SMOC2: variants seen among roughly 807,000 people sequenced by gnomAD.
SMOC2 encodes the protein SPARC-related modular calcium-binding protein 2.
A neutral mutation model predicts 61.4 loss-of-function variants in SMOC2; 39 were observed. That is an observed-to-expected ratio of 0.64 (90% confidence interval 0.49 to 0.83). The LOEUF (loss-of-function observed/expected upper bound fraction) is 0.83. Ranked by LOEUF, SMOC2 falls within the 40% of genes least tolerant of loss-of-function variation. The pLI, the probability that SMOC2 is intolerant of heterozygous loss-of-function variation, is 0.00. For missense variants in SMOC2, 556 were observed against 592.9 expected, an observed-to-expected ratio of 0.94 and a Z score of 0.65; for synonymous variants, 247 against 239.9, an observed-to-expected ratio of 1.03 and a Z score of -0.27.
intron 4 of SMOC2, among the ~76,000 whole-genome samples, chr6:168,543,099 A>G (rs372744010): frequency 6.6e-6 from 1 of 152,198 alleles, no homozygotes; most frequent in Admixed American, 6.5e-5. Flanking sequence ...TATTTGTAAT[A>G]TGCATCTTTC....
rs560471120 is a variant in SMOC2, at chr6:168,652,992, G to A, written c.1049G>A (p.Arg350Gln). Residue 350 changes from arginine (R) to glutamine (Q), a missense_variant, in exon 11 of 13, where the codon CGG (arginine) becomes CAG (glutamine). By Grantham distance (43) the Arg-to-Gln change is conservative. Transcript: ENST00000356284. Reference sequence around the variant, plus strand: ...GACCCCAGCCATACCCTAGAGGAGCGGGTGGTGCACTGGTACTTCAAACTA... The same window carrying A: ...GACCCCAGCCATACCCTAGAGGAGCAGGTGGTGCACTGGTACTTCAAACTA... ...EPDPSHTLEE[R>Q]VVHWYFKLLD... is the part of the protein sequence containing the mutation. 28 of 1,613,968 alleles carry A rather than the reference G, an allele frequency of 1.7e-5. No homozygotes were observed. The highest frequency in any genetic ancestry group is 1.7e-4 in the Middle Eastern group (1 of 6,060).
At position 168,666,573 on chromosome 6, in the gene SMOC2, A is replaced by G. The variant is rs1185623142; in HGVS notation, c.*135A>G. ...AATGTAAATTCACTTTGTAGAAATGAGCTATTTAAACAGACTGTTTTAATC... is the reference window on the plus strand; with the variant it reads ...AATGTAAATTCACTTTGTAGAAATGGGCTATTTAAACAGACTGTTTTAATC... On this transcript the variant is annotated 3_prime_UTR_variant, in exon 13 of 13. Transcript: ENST00000356284. 1 of 993,696 alleles carries G rather than the reference A, an allele frequency of 1.0e-6. No homozygotes were observed. Among genetic ancestry groups the G allele is most frequent in the Non-Finnish European group, 1.6e-6 (1 of 644,578 alleles). The allele number at this position is 993,696 out of a possible 1,614,324, so 61.6% of individuals were successfully genotyped here.
Position 168,453,567 on chromosome 6 carries a change from TCA to T in SMOC2, c.84+12114_84+12115del, listed in dbSNP as rs1277770777. 6.6e-6 allele frequency among the ~76,000 whole-genome samples: 1 copy of T among 151,902 alleles called. No individual in the cohort carries two copies. The highest frequency in any genetic ancestry group is 2.4e-5 in the African/African-American group (1 of 41,342). On this transcript the variant is annotated intron_variant, in intron 1 of 12. Transcript: ENST00000356284. This position sits in a 1 kb window ranked among gnomAD's most constrained non-coding sequence, Gnocchi z 4.4. ...CTCTGTACCTGTCTCTCTGATTCTC[TCA>T]GTCTCTGCCATTTGCTCTCTCTCTT...
chr6:168,630,088 G>A (rs1015873007), intron 9 of SMOC2, among the ~76,000 whole-genome samples: 11 of 152,126 alleles, frequency 7.2e-5, no homozygotes, highest in South Asian at 6.2e-4. Flanking sequence ...GATGGTTGCA[G>A]CGTCTCGTTC....
At chr6:168,449,167 T>A (rs796587663) in intron 1 of SMOC2, among the ~76,000 whole-genome samples, 49 of 152,338 alleles carry the variant, frequency 3.2e-4, no homozygotes, top group African/African-American at 1.1e-3. Context: ...CTGTGCAGAT[T>A]GATCCGTCTT....
At chr6:168,612,156 G>A (rs1785889043) in intron 9 of SMOC2, among the ~76,000 whole-genome samples, 1 of 152,204 alleles carries the variant, frequency 6.6e-6, no homozygotes, top group South Asian at 2.1e-4. Flanking sequence ...GCTTTCCAGT[G>A]TGGGGAGAGG....
chr6:168,447,318 A>G (rs7747854), intron 1 of SMOC2, among the ~76,000 whole-genome samples: 44,195 of 152,018 alleles, frequency 0.29, 8,332 homozygotes, highest in African/African-American at 0.52. Context: ...TGATCCACTC[A>G]CTGTGGCTGG....
intron 7 of SMOC2, among the ~76,000 whole-genome samples, chr6:168,574,246 C>G (rs930147118): frequency 2.6e-5 from 4 of 152,228 alleles, no homozygotes; most frequent in Admixed American, 1.3e-4. Context: ...AGGCCCTGAG[C>G]ATGCTCATGG....
At position 168,441,219 on chromosome 6, in the gene SMOC2, G is replaced by C. The variant is rs1053474575; in HGVS notation, c.-152G>C. Reference sequence around the variant, plus strand: ...ACCTCTGGGTGCCTGCAGGGGAGCTGCTCCAGCCGGGCCGCCGGGAGCGGT... The same window carrying C: ...ACCTCTGGGTGCCTGCAGGGGAGCTCCTCCAGCCGGGCCGCCGGGAGCGGT... On this transcript the variant is annotated 5_prime_UTR_variant, in exon 1 of 13. Coordinates refer to ENST00000356284, the MANE Select transcript of SMOC2 (RefSeq NM_001166412.2). 4 of 1,234,688 alleles carry C rather than the reference G, an allele frequency of 3.2e-6. No homozygotes were observed. Among genetic ancestry groups the C allele is most frequent in the Non-Finnish European group, 4.2e-6 (4 of 960,378 alleles). The allele number at this position is 1,234,688 out of a possible 1,614,324, so 76.5% of individuals were successfully genotyped here. A position where few individuals can be genotyped will look rare whatever the true frequency, so the allele number is the denominator to read the frequency against.
intron 9 of SMOC2, among the ~76,000 whole-genome samples, chr6:168,618,096 G>A (rs1158064520): frequency 6.6e-6 from 1 of 152,266 alleles, no homozygotes; most frequent in Non-Finnish European, 1.5e-5. Flanking sequence ...AAGGCTGCCT[G>A]CATGGGAGTG....
chr6:168,452,653 C>A lies in SMOC2; in HGVS notation c.84+11199C>A, dbSNP rs1169988756. Among the ~76,000 whole-genome samples, 4 of 152,104 alleles carry A rather than the reference C, an allele frequency of 2.6e-5. No homozygotes were observed. Among genetic ancestry groups the A allele is most frequent in the Non-Finnish European group, 5.9e-5 (4 of 67,998 alleles). On this transcript the variant is annotated intron_variant, in intron 1 of 12. Coordinates refer to ENST00000356284, the MANE Select transcript of SMOC2 (RefSeq NM_001166412.2). This position sits in a 1 kb window ranked among gnomAD's most constrained non-coding sequence, Gnocchi z 5.0. The stretch of plus-strand genomic sequence containing the variant: ...AAACACCACTTGCATTTTTTTGTAC[C>A]CCAAAATCTGAAGGAAATTTTGAAA...
At chr6:168,548,351 CTTT>C (rs758386557) in intron 6 of SMOC2, among the ~76,000 whole-genome samples, 2 of 127,174 alleles carry the variant, frequency 1.6e-5, no homozygotes, top group Non-Finnish European at 3.2e-5. Context: ...CACTACATTC[CTTT>C]TTTTTTTTTT....
At chr6:168,479,746 C>T (rs551543619) in intron 1 of SMOC2, among the ~76,000 whole-genome samples, 2 of 152,292 alleles carry the variant, frequency 1.3e-5, no homozygotes, top group Admixed American at 6.5e-5. Flanking sequence ...ATGTTGATTG[C>T]AGCTGTTGAT....
chr6:168,505,639 A>C (rs974203496), intron 1 of SMOC2, among the ~76,000 whole-genome samples: 1 of 152,202 alleles, frequency 6.6e-6, no homozygotes, highest in Non-Finnish European at 1.5e-5. Flanking sequence ...TGTCCTGTGG[A>C]AAGTTATGTT....
rs1477942494 is a variant in SMOC2, at chr6:168,441,333, G to T, written c.-38G>T. The T allele has an allele frequency of 6.7e-7, 1 of 1,495,498 alleles. No individual in the cohort carries two copies. The highest frequency in any genetic ancestry group is 1.2e-5 in the South Asian group (1 of 80,164). 92.6% of individuals were successfully genotyped at this position (1,495,498 alleles called of 1,614,324 possible). A position where few individuals can be genotyped will look rare whatever the true frequency, so the allele number is the denominator to read the frequency against. On this transcript the variant is annotated 5_prime_UTR_variant, in exon 1 of 13. Coordinates refer to ENST00000356284, the MANE Select transcript of SMOC2 (RefSeq NM_001166412.2). ...TCCCGGCTGCAGTGCCAGGGCGCAG[G>T]ACGCGGCCGATCTCCCGCTCCCGCC... is the stretch of plus-strand genomic sequence containing the variant.
At chr6:168,618,753 G>A (rs1343856265) in intron 9 of SMOC2, among the ~76,000 whole-genome samples, 2 of 152,140 alleles carry the variant, frequency 1.3e-5, no homozygotes, top group African/African-American at 2.4e-5. Context: ...GACATCAGTA[G>A]CCCAGCTTAG....
intron 8 of SMOC2, among the ~76,000 whole-genome samples, chr6:168,599,726 A>G (rs892173037): frequency 5.1e-5 from 7 of 136,148 alleles, no homozygotes; most frequent in African/African-American, 2.0e-4. Context: ...ACAACCACTA[A>G]TACTCTCACA....
At chr6:168,546,066 T>A (rs1783988068) in intron 5 of SMOC2, among the ~76,000 whole-genome samples, 1 of 149,002 alleles carries the variant, frequency 6.7e-6, no homozygotes, top group South Asian at 2.1e-4. Flanking sequence ...AATGTTAAAT[T>A]TTTTTGAAAA....
chr6:168,650,664 AT>A lies in SMOC2; in HGVS notation c.908-16del. On this transcript the variant is annotated splice_polypyrimidine_tract_variant and intron_variant, in intron 9 of 12. Coordinates refer to ENST00000356284, the MANE Select transcript of SMOC2 (RefSeq NM_001166412.2). ...GGCTTTATGAGTTAATTATGAAAAC[AT>A]ACACGTGTTTTTCAGGTTGTCCGGG... 1 of 1,609,342 alleles carries A rather than the reference AT, an allele frequency of 6.2e-7. No homozygotes were observed. Among genetic ancestry groups the A allele is most frequent in the Non-Finnish European group, 8.5e-7 (1 of 1,176,396 alleles).
Sources: gnomAD v4.1 joint callset for allele counts (sites outside exome capture counted in the v4.1 genomes callset) on GRCh38, gnomAD v4.1.1 for gene constraint, Gnocchi (gnomAD v3.1) non-coding constraint, MANE v1.5 for transcripts, NCBI Gene and HGNC (gene_info 2026-07-23, HGNC 2026-07-21) for gene names.